DMD: variants seen among roughly 807,000 people sequenced by gnomAD.
The protein encoded by DMD is mutant dystrophin.
Under a neutral mutation model 330.1 loss-of-function variants are expected in DMD, and 63 were observed. The observed-to-expected ratio is 0.19, with a 90% CI of 0.16 to 0.24. DMD has a LOEUF of 0.24. Ranked by LOEUF, DMD falls within the 10% of genes least tolerant of loss-of-function variation. The pLI is 1.00. For missense variants in DMD, 3,344 were observed against 2,684.1 expected (o/e 1.25, Z -5.43); for synonymous variants, 1,223 against 959.8 (o/e 1.27, Z -5.07).
At chrX:32,573,691 C>T in intron 14 of DMD, 54 bp from the exon 15 acceptor site, 1 of 1,193,269 alleles carries the variant, frequency 8.4e-7, no homozygotes, top group Non-Finnish European at 1.1e-6. Context: ...CTTTACTTTT[C>T]CAATTTAATA....
intron 63 of DMD, among the ~76,000 whole-genome samples, chrX:31,246,204 A>C (rs2048818267): frequency 8.9e-6 from 1 of 112,602 alleles, no homozygotes; most frequent in East Asian, 2.8e-4. Context: ...CCAAAGCCTA[A>C]TCCAGAGCAA....
In DMD at chrX:33,156,391, C is replaced by T. The variant is rs1356391781; in HGVS notation, c.31+54891G>A. Among the ~76,000 whole-genome samples the T allele has an allele frequency of 2.7e-5, 3 of 112,117 alleles. No individual in the cohort carries two copies. In the East Asian group the frequency reaches 8.4e-4, roughly 31 times the overall value. On this transcript the variant is annotated intron_variant, in intron 1 of 78. Transcript: ENST00000357033. ...TGCACTGGTGGCTAAAATGTCCTAA[C>T]AACTTCTTCAGGGCTCAAATATTTT...
At chrX:31,883,265 T>C (rs755636993) in intron 47 of DMD, among the ~76,000 whole-genome samples, 3 of 111,541 alleles carry the variant, frequency 2.7e-5, no homozygotes, top group Non-Finnish European at 3.8e-5. Flanking sequence ...TCAAAACTAA[T>C]CTAGGTGTTA....
At chrX:31,296,528 T>G (rs750238711) in intron 62 of DMD, among the ~76,000 whole-genome samples, 1 of 111,722 alleles carries the variant, frequency 9.0e-6, no homozygotes, top group South Asian at 3.8e-4. Flanking sequence ...ACTGCTCCCT[T>G]TACAGTAGGT....
intron 55 of DMD, among the ~76,000 whole-genome samples, chrX:31,604,517 A>C (rs1259461653): frequency 1.8e-5 from 2 of 111,511 alleles, no homozygotes; most frequent in African/African-American, 6.5e-5. Flanking sequence ...CATTTTTCCC[A>C]TTGTCTAGGA....
intron 11 of DMD, among the ~76,000 whole-genome samples, chrX:32,617,593 T>C (rs1878233769): frequency 9.0e-6 from 1 of 111,100 alleles, no homozygotes; most frequent in Admixed American, 9.6e-5. Flanking sequence ...AATTTAAGAC[T>C]CAAAACTCTC....
At chrX:31,791,338 C>T (rs73461853) in intron 50 of DMD, among the ~76,000 whole-genome samples, 13,019 of 111,169 alleles carry the variant, frequency 0.12, 554 homozygotes, top group East Asian at 0.18. Context: ...AGAGTACTCT[C>T]GCATTCCAAA....
At chrX:32,066,963 T>A (rs2096264111) in intron 44 of DMD, among the ~76,000 whole-genome samples, 1 of 111,439 alleles carries the variant, frequency 9.0e-6, no homozygotes, top group Non-Finnish European at 1.9e-5. Flanking sequence ...AGAAATAAAA[T>A]AAATTAAGCT....
intron 47 of DMD, among the ~76,000 whole-genome samples, chrX:31,917,490 G>A (rs1215477689): frequency 3.6e-5 from 4 of 111,717 alleles, no homozygotes; most frequent in African/African-American, 1.3e-4. Context: ...CCCAGTTTTT[G>A]GTGAATCAGT....
chrX:32,865,591 C>T (rs1473604319), intron 2 of DMD, among the ~76,000 whole-genome samples: 1 of 112,283 alleles, frequency 8.9e-6, no homozygotes, highest in East Asian at 2.8e-4. Context: ...ACACCCCATC[C>T]GAGTGTACCG....
At chrX:32,338,524 T>A (rs2148791233) in intron 41 of DMD, among the ~76,000 whole-genome samples, 1 of 111,738 alleles carries the variant, frequency 8.9e-6, no homozygotes, top group Admixed American at 9.6e-5. Context: ...TCCATTTAAT[T>A]TTTATTTTTG....
At chrX:32,558,224 A>T (rs2050547031) in intron 16 of DMD, among the ~76,000 whole-genome samples, 4 of 111,483 alleles carry the variant, frequency 3.6e-5, no homozygotes, top group Admixed American at 2.9e-4. Context: ...GATTCATATT[A>T]AATACGGAAT....
intron 7 of DMD, among the ~76,000 whole-genome samples, chrX:32,765,208 T>C (rs996147687): frequency 9.0e-6 from 1 of 111,113 alleles, no homozygotes; most frequent in African/African-American, 3.3e-5. Context: ...TCATGTTGAA[T>C]TGTAATCCCC....
intron 62 of DMD, among the ~76,000 whole-genome samples, chrX:31,298,404 C>CACACAT (rs760489674): frequency 0.24 from 24,342 of 100,169 alleles, 2,542 homozygotes; most frequent in African/African-American, 0.4. Context: ...CACACACACA[C>CACACAT]ACACATACAC....
chrX:32,712,186 G>A (rs1373055937), intron 7 of DMD, among the ~76,000 whole-genome samples: 1 of 111,248 alleles, frequency 9.0e-6, no homozygotes, highest in Non-Finnish European at 1.9e-5. Context: ...CATAAGTCGA[G>A]GATTATGCTG....
chrX:31,510,857 C>A (rs962882925), intron 55 of DMD, among the ~76,000 whole-genome samples: 1 of 111,077 alleles, frequency 9.0e-6, no homozygotes, highest in African/African-American at 3.3e-5. Flanking sequence ...CCTGGACCAC[C>A]TGTGAGCAAA....
chrX:31,634,119 T>C (rs1210377747), intron 54 of DMD, among the ~76,000 whole-genome samples: 1 of 112,615 alleles, frequency 8.9e-6, no homozygotes, highest in African/African-American at 3.2e-5. Flanking sequence ...TGCAGGGTCG[T>C]TGAAACATAC....
chrX:31,127,812 T>C (rs976780390), intron 77 of DMD, among the ~76,000 whole-genome samples: 6 of 111,751 alleles, frequency 5.4e-5, no homozygotes, highest in African/African-American at 2.0e-4. Flanking sequence ...TAGTATACAT[T>C]TAAGGATAGT....
chrX:32,290,794 G>T (rs1233356317), intron 42 of DMD, among the ~76,000 whole-genome samples: 1 of 111,683 alleles, frequency 9.0e-6, no homozygotes, highest in Non-Finnish European at 1.9e-5. Context: ...AGTAAGAAAG[G>T]ATATGGTTTG....
Sources: allele counts gnomAD v4.1 joint callset (sites outside exome capture counted in the v4.1 genomes callset), GRCh38; gene constraint gnomAD v4.1.1; transcripts MANE v1.5; gene names NCBI Gene and HGNC (gene_info 2026-07-23, HGNC 2026-07-21).